Variants in LOXHD1 observed in about 807,000 individuals in gnomAD.
The protein encoded by LOXHD1 is lipoxygenase homology PLAT domains 1.
LOXHD1 carries 205 observed loss-of-function variants against 248.2 expected under a neutral mutation model. That is an observed-to-expected ratio of 0.83 (90% CI 0.74 to 0.93). The LOEUF (loss-of-function observed/expected upper bound fraction) is 0.93, where lower values mean the gene tolerates loss of function less well. LOXHD1 is among the 40% of genes least tolerant of loss of function. The pLI, the probability that LOXHD1 is intolerant of heterozygous loss-of-function variation, is 0.00. For missense variants in LOXHD1, 2,930 were observed against 2,971.6 expected (o/e 0.99, Z 0.33); for synonymous variants, 1,113 against 1,162.8 (o/e 0.96, Z 0.87).
intron 4 of LOXHD1, among the ~76,000 whole-genome samples, chr18:46,634,235 T>C (rs2038863762): frequency 6.6e-6 from 1 of 152,210 alleles, no homozygotes; most frequent in Admixed American, 6.5e-5. Context: ...AATGGGATGC[T>C]ATTCAGCCTT....
intron 35 of LOXHD1, among the ~76,000 whole-genome samples, chr18:46,508,267 C>A (rs1361005108): frequency 6.6e-6 from 1 of 152,108 alleles, no homozygotes; most frequent in African/African-American, 2.4e-5. Context: ...GAACTGTATT[C>A]CCCCAGAATT....
At chr18:46,515,487 T>C (rs1275547856) in intron 34 of LOXHD1, among the ~76,000 whole-genome samples, 1 of 152,168 alleles carries the variant, frequency 6.6e-6, no homozygotes, top group African/African-American at 2.4e-5. Context: ...ATCTTTTAAC[T>C]AGCAAGGTGG....
intron 19 of LOXHD1, 35 bp downstream of exon 19, chr18:46,560,048 T>TGCCGTCCCC: frequency 1.6e-6 from 2 of 1,226,298 alleles, no homozygotes; most frequent in Non-Finnish European, 2.3e-6. Context: ...GTCTGGCCAC[T>TGCCGTCCCC]CCCTCCCCAC....
At chr18:46,595,343 T>A (rs2038241236) in intron 8 of LOXHD1, among the ~76,000 whole-genome samples, 2 of 152,166 alleles carry the variant, frequency 1.3e-5, no homozygotes, top group South Asian at 4.1e-4. Context: ...TATGTACCCC[T>A]TCAAACTTCC....
chr18:46,575,195 A>C (rs1459302477), intron 14 of LOXHD1, among the ~76,000 whole-genome samples: 1 of 151,806 alleles, frequency 6.6e-6, no homozygotes, highest in Non-Finnish European at 1.5e-5. Flanking sequence ...CATGACCTTC[A>C]ACCCACCTAT....
chr18:46,542,805 C>T lies in LOXHD1; in HGVS notation c.3670G>A (p.Asp1224Asn), dbSNP rs2144371504. 6.4e-7 allele frequency: 1 copy of T among 1,551,744 alleles called. No homozygotes were observed. The change falls in exon 24 of 41, where the codon GAC becomes AAC. Residue 1224 changes from aspartate (D) to asparagine (N), a missense_variant. Transcript: ENST00000642948. Reference protein sequence around the residue: ...SKTNSDKFERDSIEIFTVETL... With the variant: ...SKTNSDKFERNSIEIFTVETL... The stretch of plus-strand genomic sequence containing the variant: ...TCCACCGTGAAGATTTCAATGCTGT[C>T]CCTCTCAAACTTATCGCTGTTTGTC...
chr18:46,557,565 GA>G, intron 20 of LOXHD1, 76 bp from the exon 21 acceptor site: 1 of 1,530,044 alleles, frequency 6.5e-7, no homozygotes, highest in Non-Finnish European at 8.8e-7. Context: ...ATCCTCCCAA[GA>G]ACCAGGGCAG....
intron 18 of LOXHD1, among the ~76,000 whole-genome samples, chr18:46,561,795 A>G (rs2037535145): frequency 6.6e-6 from 1 of 152,172 alleles, no homozygotes; most frequent in African/African-American, 2.4e-5. Flanking sequence ...TACTTAGGAG[A>G]AAGGCTCTGG....
chr18:46,499,100 A>G (rs1378079779), intron 37 of LOXHD1, among the ~76,000 whole-genome samples: 1 of 152,228 alleles, frequency 6.6e-6, no homozygotes, highest in African/African-American at 2.4e-5. Context: ...AGGCATATAA[A>G]TGTGAATCAA....
At chr18:46,627,102 C>T (rs571569047) in intron 4 of LOXHD1, among the ~76,000 whole-genome samples, 40 of 152,246 alleles carry the variant, frequency 2.6e-4, no homozygotes, top group African/African-American at 9.1e-4. Flanking sequence ...CTGAAGTCAC[C>T]TAATGTCAAT....
chr18:46,514,605 G>A (rs753808131), intron 34 of LOXHD1, among the ~76,000 whole-genome samples: 5 of 152,166 alleles, frequency 3.3e-5, no homozygotes, highest in African/African-American at 4.8e-5. Flanking sequence ...TTCCTGAAAG[G>A]GCAACTGGAA....
chr18:46,490,154 A>G (rs1442354312), intron 37 of LOXHD1, among the ~76,000 whole-genome samples: 1 of 152,214 alleles, frequency 6.6e-6, no homozygotes, highest in Admixed American at 6.5e-5. Flanking sequence ...CCTTACAACC[A>G]AAGGACCCCA....
intron 22 of LOXHD1, among the ~76,000 whole-genome samples, chr18:46,545,786 C>T (rs571669951): frequency 2.9e-4 from 43 of 150,784 alleles, no homozygotes; most frequent in African/African-American, 9.0e-4. Flanking sequence ...CCCGCCACTA[C>T]GCCCGGCTAA....
chr18:46,600,281 T>C (rs962916208), intron 8 of LOXHD1, among the ~76,000 whole-genome samples: 1 of 152,176 alleles, frequency 6.6e-6, no homozygotes, highest in African/African-American at 2.4e-5. Context: ...TGGACAAATC[T>C]CTAAAACATA....
At chr18:46,490,798 T>G (rs1254587048) in intron 37 of LOXHD1, among the ~76,000 whole-genome samples, 1 of 152,224 alleles carries the variant, frequency 6.6e-6, no homozygotes, top group Non-Finnish European at 1.5e-5. Flanking sequence ...ACAATAAATT[T>G]GTTTCTTAAC....
Position 46,566,360 on chromosome 18 carries a change from G to T in LOXHD1, c.2334C>A (p.Gly778=), listed in dbSNP as rs747631073. 15 of 1,551,664 alleles carry T rather than the reference G, an allele frequency of 9.7e-6. No individual in the cohort carries two copies. The highest frequency in any genetic ancestry group is 1.3e-5 in the Non-Finnish European group (15 of 1,147,036). Residue 778 remains glycine (G), a synonymous_variant, in exon 17 of 41, where the codon GGC becomes GGA. Transcript: ENST00000642948. The part of the protein sequence containing the change: ...GSVQIRVPRQ[G]KQYTFPANRW... The stretch of plus-strand genomic sequence containing the variant: ...GGTTGGCGGGAAAGGTGTACTGCTT[G>T]CCTTGACGGGGCACACGGATCTGAA...
chr18:46,541,134 A>G (rs2036542163), intron 25 of LOXHD1, among the ~76,000 whole-genome samples: 1 of 152,230 alleles, frequency 6.6e-6, no homozygotes, highest in African/African-American at 2.4e-5. Context: ...GTCTATAAAC[A>G]TTTAATACAT....
At chr18:46,586,981 G>T (rs1236255212) in intron 12 of LOXHD1, among the ~76,000 whole-genome samples, 1 of 152,180 alleles carries the variant, frequency 6.6e-6, no homozygotes, top group Non-Finnish European at 1.5e-5. Flanking sequence ...CTTGTTAGAA[G>T]AACAGGCAAA....
intron 15 of LOXHD1, among the ~76,000 whole-genome samples, chr18:46,570,936 T>C (rs1212386064): frequency 6.6e-6 from 1 of 151,982 alleles, no homozygotes; most frequent in Non-Finnish European, 1.5e-5. Flanking sequence ...AAATAGGGGC[T>C]TGCTGGACTG....
Sources: allele counts gnomAD v4.1 joint callset (sites outside exome capture counted in the v4.1 genomes callset), GRCh38; gene constraint gnomAD v4.1.1; transcripts MANE v1.5; gene names NCBI Gene and HGNC (gene_info 2026-07-23, HGNC 2026-07-21).